RELN: variants seen among roughly 807,000 people sequenced by gnomAD.
RELN encodes the protein reelin.
In RELN, 108 loss-of-function variants were observed where a neutral mutation model predicts 427.6. The observed-to-expected ratio is 0.25, with a 90% confidence interval of 0.22 to 0.30. The LOEUF is 0.30. Ranked by LOEUF, RELN falls within the 10% of genes least tolerant of loss-of-function variation. The pLI, the probability that RELN is intolerant of heterozygous loss-of-function variation, is 1.00. For missense variants in RELN, 3,715 were observed against 4,302.8 expected, an observed-to-expected ratio of 0.86 and a Z score of 3.82; for synonymous variants, 1,524 against 1,513.4, an observed-to-expected ratio of 1.01 and a Z score of -0.16.
At chr7:103,665,249 G>A (rs76667038) in intron 11 of RELN, among the ~76,000 whole-genome samples, 5,409 of 151,892 alleles carry the variant, frequency 0.036, 153 homozygotes, top group East Asian at 0.14. Flanking sequence ...ACGTGAGTCT[G>A]TTTCTACAAT....
At chr7:103,692,553 G>A (rs1833894460) in intron 10 of RELN, among the ~76,000 whole-genome samples, 1 of 152,060 alleles carries the variant, frequency 6.6e-6, no homozygotes, top group Non-Finnish European at 1.5e-5. Context: ...TCTACTGCAG[G>A]AGACCTACAT....
chr7:103,642,401 T>C (rs1832713154), intron 16 of RELN, among the ~76,000 whole-genome samples: 1 of 130,928 alleles, frequency 7.6e-6, no homozygotes, highest in African/African-American at 2.9e-5. Context: ...TGGGAAGGAG[T>C]ATGTGTCCTT....
intron 3 of RELN, among the ~76,000 whole-genome samples, chr7:103,791,723 A>G (rs2116273248): frequency 6.6e-6 from 1 of 152,254 alleles, no homozygotes; most frequent in Non-Finnish European, 1.5e-5. Flanking sequence ...AAATAGATGA[A>G]TAGAACTTTA....
At chr7:103,698,502 A>G (rs1274881033) in intron 9 of RELN, among the ~76,000 whole-genome samples, 1 of 152,132 alleles carries the variant, frequency 6.6e-6, no homozygotes, top group East Asian at 1.9e-4. Flanking sequence ...AATAAGGATA[A>G]AAAATATAAA....
At chr7:103,613,786 T>C (rs1204009618) in intron 20 of RELN, among the ~76,000 whole-genome samples, 1 of 152,190 alleles carries the variant, frequency 6.6e-6, no homozygotes, top group Non-Finnish European at 1.5e-5. Flanking sequence ...GGTCTGCAAA[T>C]GACAGAGCCA....
In RELN at chr7:103,483,554, G is replaced by A. The variant is rs1488260881; in HGVS notation, c.10181+99C>T. 4 of 1,197,242 alleles carry A rather than the reference G, an allele frequency of 3.3e-6. No individual in the cohort carries two copies. In the African/African-American group the frequency reaches 4.5e-5, roughly 13 times the overall value. 74.2% of individuals were successfully genotyped at this position (1,197,242 alleles called of 1,614,324 possible). On this transcript the variant is annotated intron_variant, in intron 62 of 64. Transcript: ENST00000428762. ...CACCACCTAGTTTTGTGGCATTGGTGCATTAACTTTACCCAACTTCTACCT... is the reference window on the plus strand; with the variant it reads ...CACCACCTAGTTTTGTGGCATTGGTACATTAACTTTACCCAACTTCTACCT...
At chr7:103,655,094 G>A (rs1457218715) in intron 12 of RELN, among the ~76,000 whole-genome samples, 2 of 152,106 alleles carry the variant, frequency 1.3e-5, no homozygotes, top group African/African-American at 2.4e-5. Context: ...CTGTAGGCAT[G>A]AGCCACCACG....
intron 64 of RELN, among the ~76,000 whole-genome samples, chr7:103,476,390 G>T (rs973188258): frequency 3.3e-5 from 5 of 152,092 alleles, no homozygotes; most frequent in African/African-American, 1.2e-4. Context: ...TGAGGCAGGA[G>T]AATTGCTTGA....
chr7:103,644,412 T>G (rs1403925485), intron 16 of RELN, among the ~76,000 whole-genome samples: 1 of 151,148 alleles, frequency 6.6e-6, no homozygotes, highest in Non-Finnish European at 1.5e-5. Context: ...TATGTCTTTT[T>G]TTTTTTTTTT....
Position 103,989,360 on chromosome 7 carries a change from G to C in RELN, c.-4C>G, listed in dbSNP as rs747705115. The C allele has an allele frequency of 3.6e-6, 5 of 1,407,194 alleles. No individual in the cohort carries two copies. In the East Asian group the frequency reaches 1.5e-4, roughly 43 times the overall value. 87.2% of individuals were successfully genotyped at this position (1,407,194 alleles called of 1,614,324 possible). ...GGGCCCAGCCACTGCGCTCCATGCC[G>C]CCGCCGCCGCCGCCGCCGCCGCGCG... On this transcript the variant is annotated 5_prime_UTR_variant, in exon 1 of 65. Coordinates refer to ENST00000428762, the MANE Select transcript of RELN (RefSeq NM_005045.4). The surrounding 1 kb of genome is among the most constrained non-coding windows in gnomAD (Gnocchi z 4.9).
Position 103,989,125 on chromosome 7 carries a change from A to G in RELN, c.226+6T>C, listed in dbSNP as rs777492435. ...GCGGCGAGCGCGGAGGTGCTGCGGT[A>G]CCTACCATGGTATTCTTGTCCCGGA... On this transcript the variant is annotated splice_donor_region_variant and intron_variant, in intron 1 of 64. Coordinates refer to ENST00000428762, the MANE Select transcript of RELN (RefSeq NM_005045.4). This position sits in a 1 kb window ranked among gnomAD's most constrained non-coding sequence, Gnocchi z 4.9. 1.2e-6 allele frequency: 2 copies of G among 1,612,732 alleles called. No homozygotes were observed. The highest frequency in any genetic ancestry group is 1.7e-5 in the Admixed American group (1 of 60,030).
chr7:103,900,608 TGGGGTTTTCTAA>T (rs1795062821), intron 2 of RELN, among the ~76,000 whole-genome samples: 1 of 151,902 alleles, frequency 6.6e-6, no homozygotes, highest in Non-Finnish European at 1.5e-5. Context: ...TGGTACCAGA[TGGGGTTTTCTAA>T]ATATACAATC....
In RELN at chr7:103,563,520, A is replaced by C. The variant is rs954478299; in HGVS notation, c.5211-1567T>G. On this transcript the variant is annotated intron_variant, in intron 34 of 64. Coordinates refer to ENST00000428762, the MANE Select transcript of RELN (RefSeq NM_005045.4). The surrounding 1 kb of genome is among the most constrained non-coding windows in gnomAD (Gnocchi z 4.1). ...GTTATCACAAGAGTCCAAAAGTTTT[A>C]AAAAAAGTTTATATAATGGAAAAGT... Among the ~76,000 whole-genome samples, 5 of 152,344 alleles carry C rather than the reference A, an allele frequency of 3.3e-5. No homozygotes were observed. Among genetic ancestry groups the C allele is most frequent in the African/African-American group, 9.6e-5 (4 of 41,586 alleles).
At chr7:103,675,531 A>G (rs1833498665) in intron 11 of RELN, among the ~76,000 whole-genome samples, 1 of 152,190 alleles carries the variant, frequency 6.6e-6, no homozygotes, top group African/African-American at 2.4e-5. Context: ...GAATTGGAAA[A>G]AACTACTTTA....
chr7:103,910,499 CTACTT>C (rs1224011974), intron 2 of RELN, among the ~76,000 whole-genome samples: 5 of 151,902 alleles, frequency 3.3e-5, no homozygotes, highest in Admixed American at 1.3e-4. Flanking sequence ...TTGGAAAAAA[CTACTT>C]TAAGGTTCAT....
intron 51 of RELN, among the ~76,000 whole-genome samples, chr7:103,503,634 C>T (rs1238536876): frequency 6.6e-6 from 1 of 152,210 alleles, no homozygotes; most frequent in East Asian, 1.9e-4. Context: ...CAATTTATGA[C>T]TCTCAATACA....
intron 3 of RELN, among the ~76,000 whole-genome samples, chr7:103,807,578 C>A (rs550640005): frequency 3.3e-5 from 5 of 152,198 alleles, no homozygotes; most frequent in Admixed American, 2.6e-4. Context: ...TGAGCATAGT[C>A]CCGATAGGTA....
At chr7:103,475,941 C>T (rs559861082) in intron 64 of RELN, among the ~76,000 whole-genome samples, 19 of 151,860 alleles carry the variant, frequency 1.3e-4, no homozygotes, top group Non-Finnish European at 2.4e-4. Flanking sequence ...TTGGTAGAGA[C>T]GGGGTCTTGC....
intron 15 of RELN, 55 bp from the exon 16 acceptor site, chr7:103,650,438 T>C: frequency 9.2e-7 from 1 of 1,090,668 alleles, no homozygotes; most frequent in Non-Finnish European, 1.4e-6. Context: ...ATCTTTAGAA[T>C]CTATTTTACA....
Sources: allele counts gnomAD v4.1 joint callset (sites outside exome capture counted in the v4.1 genomes callset), GRCh38; gene constraint gnomAD v4.1.1; non-coding constraint Gnocchi (gnomAD v3.1); transcripts MANE v1.5; gene names NCBI Gene and HGNC (gene_info 2026-07-23, HGNC 2026-07-21).